NUP107: variants seen among roughly 807,000 people sequenced by gnomAD.
NUP107 encodes nuclear pore complex protein Nup107.
NUP107 carries 101 observed loss-of-function variants against 141.0 expected under a neutral mutation model. The ratio of observed to expected loss-of-function variants is 0.72; its 90% CI spans 0.61 to 0.84. The LOEUF (loss-of-function observed/expected upper bound fraction) is 0.84, where lower values mean the gene tolerates loss of function less well. Ranked by LOEUF, NUP107 falls within the 40% of genes least tolerant of loss-of-function variation. The pLI, the probability that NUP107 is intolerant of heterozygous loss-of-function variation, is 0.00. For missense variants in NUP107, 941 were observed against 1,102.7 expected (o/e 0.85, Z 2.08); for synonymous variants, 319 against 363.9 (o/e 0.88, Z 1.41).
Position 68,686,985 on chromosome 12 carries a change from T to G in NUP107, c.-81T>G. 4 of 1,578,372 alleles carry G rather than the reference T, an allele frequency of 2.5e-6. No homozygotes were observed. In the East Asian group the frequency reaches 9.0e-5, roughly 35 times the overall value. ...ACAGACTGCTTCCGGGTCGAAGGGC[T>G]TGCTTCCGGAGAGCGGGAAGGCTAA... On this transcript the variant is annotated 5_prime_UTR_variant, in exon 1 of 28. Transcript: ENST00000229179.
chr12:68,696,748 C>G, intron 5 of NUP107, 71 bp from the exon 6 acceptor site: 1 of 813,926 alleles, frequency 1.2e-6, no homozygotes, highest in South Asian at 1.8e-5. Flanking sequence ...CATTTTCAAA[C>G]AAACGGAATT....
At chr12:68,706,220 A>G (rs1428989046) in intron 8 of NUP107, 18 of 767,584 alleles carry the variant, frequency 2.3e-5, no homozygotes, top group Middle Eastern at 3.3e-4. Context: ...ATTTGTCCTC[A>G]TCAAGAAGGA....
At chr12:68,691,873 T>A in intron 4 of NUP107, 95 bp from the exon 5 acceptor site, 4 of 1,010,614 alleles carry the variant, frequency 4.0e-6, no homozygotes, top group Non-Finnish European at 5.5e-6. Context: ...TACATACATA[T>A]AATTTTTAGA....
chr12:68,710,198 C>T (rs368668218), intron 10 of NUP107, 105 bp downstream of exon 10: 1 of 609,138 alleles, frequency 1.6e-6, no homozygotes, highest in Admixed American at 3.0e-5. Flanking sequence ...CTACTTTGTT[C>T]ACACTACTTT....
chr12:68,725,545 A>G (rs191633547), intron 17 of NUP107, among the ~76,000 whole-genome samples, 182 bp from the exon 18 acceptor site: 78 of 152,312 alleles, frequency 5.1e-4, no homozygotes, highest in African/African-American at 1.8e-3. Context: ...AGCTGTGAGT[A>G]TATTCCAAAG....
At chr12:68,727,607 C>T (rs1178914463) in intron 20 of NUP107, among the ~76,000 whole-genome samples, 2 of 152,104 alleles carry the variant, frequency 1.3e-5, no homozygotes, top group Non-Finnish European at 2.9e-5. Context: ...TTTGACTCCC[C>T]AAAAACCTAA....
At chr12:68,708,850 C>CCT (rs1876715536) in intron 8 of NUP107, among the ~76,000 whole-genome samples, 1 of 152,160 alleles carries the variant, frequency 6.6e-6, no homozygotes, top group Non-Finnish European at 1.5e-5. Flanking sequence ...AACTCCTGAC[C>CCT]TCAAGTGATC....
In NUP107 at chr12:68,744,382, TTTTA is replaced by T. The variant is rs1402665171; in HGVS notation, c.*1936_*1939del. ...GCCCTCAAATGGACTTGTTTTTAATTTTTATTTATTTATTTATTTTTGAGACATG... is the reference window on the plus strand; with the variant it reads ...GCCCTCAAATGGACTTGTTTTTAATTTTTATTTATTTATTTTTGAGACATG... On this transcript the variant is annotated 3_prime_UTR_variant, in exon 28 of 28. Transcript: ENST00000229179. 1.3e-5 allele frequency: 2 copies of T among 152,052 alleles called. No individual in the cohort carries two copies. The highest frequency in any genetic ancestry group is 2.4e-5 in the African/African-American group (1 of 41,420). 9.4% of individuals were successfully genotyped at this position (152,052 alleles called of 1,614,324 possible). A position where few individuals can be genotyped will look rare whatever the true frequency, so the allele number is the denominator to read the frequency against.
At chr12:68,721,736 A>G (rs1251566679) in intron 15 of NUP107, 105 bp from the exon 16 acceptor site, 3 of 1,130,942 alleles carry the variant, frequency 2.7e-6, no homozygotes, top group Non-Finnish European at 3.8e-6. Flanking sequence ...CGTGTTTTAT[A>G]TCATTATAAA....
intron 2 of NUP107, among the ~76,000 whole-genome samples, chr12:68,689,330 G>T (rs1875663849): frequency 6.6e-6 from 1 of 152,180 alleles, no homozygotes; most frequent in African/African-American, 2.4e-5. Context: ...ATTTAGTTCA[G>T]TGTGTAGTTA....
chr12:68,687,623 T>A, intron 1 of NUP107: 2 of 985,848 alleles, frequency 2.0e-6, no homozygotes, highest in African/African-American at 1.7e-5. Flanking sequence ...AGTCTCCTTG[T>A]CACTGTAACT....
intron 20 of NUP107, among the ~76,000 whole-genome samples, chr12:68,728,657 C>T (rs1296415140): frequency 1.3e-5 from 2 of 150,828 alleles, no homozygotes; most frequent in African/African-American, 4.9e-5. Context: ...TGATCCACCC[C>T]CCTCAGTCTC....
chr12:68,702,931 C>T (rs1876404761), intron 8 of NUP107, 147 bp downstream of exon 8: 1 of 433,464 alleles, frequency 2.3e-6, no homozygotes, highest in Non-Finnish European at 4.0e-6. Flanking sequence ...GCAACCTCTG[C>T]CTCCCGGGTT....
At chr12:68,701,405 G>A (rs1046044523) in intron 7 of NUP107, among the ~76,000 whole-genome samples, 1 of 152,186 alleles carries the variant, frequency 6.6e-6, no homozygotes, top group Non-Finnish European at 1.5e-5. Context: ...TTGTGGGCTG[G>A]GCACAGTGGC....
intron 18 of NUP107, 59 bp downstream of exon 18, chr12:68,725,855 G>A: frequency 1.1e-5 from 3 of 285,590 alleles, no homozygotes; most frequent in Non-Finnish European, 1.1e-5. Context: ...TTTTTTTTTT[G>A]AGACAAAGTC....
At chr12:68,728,311 GCCAGA>G (rs1877654327) in intron 20 of NUP107, among the ~76,000 whole-genome samples, 1 of 150,314 alleles carries the variant, frequency 6.7e-6, no homozygotes, top group Admixed American at 6.6e-5. Flanking sequence ...AAACAATCAG[GCCAGA>G]CGTGGTGGCT....
chr12:68,710,646 C>T (rs1450572118), intron 10 of NUP107, among the ~76,000 whole-genome samples: 4 of 85,422 alleles, frequency 4.7e-5, no homozygotes, highest in Non-Finnish European at 7.8e-5. Flanking sequence ...CAGAGCAGGC[C>T]GTCTTAAAAA....
chr12:68,710,524 G>T (rs1367637023), intron 10 of NUP107, among the ~76,000 whole-genome samples: 1 of 151,656 alleles, frequency 6.6e-6, no homozygotes, highest in Admixed American at 6.6e-5. Context: ...GTTTGGTGAC[G>T]CACACCTGTA....
At chr12:68,706,930 C>T (rs1876611727) in intron 8 of NUP107, 3 of 699,172 alleles carry the variant, frequency 4.3e-6, no homozygotes, top group East Asian at 2.6e-5. Flanking sequence ...CTGGCCTCAG[C>T]TACAGCCTGG....
Sources: allele counts gnomAD v4.1 joint callset (sites outside exome capture counted in the v4.1 genomes callset), GRCh38; gene constraint gnomAD v4.1.1; transcripts MANE v1.5; gene names NCBI Gene and HGNC (gene_info 2026-07-23, HGNC 2026-07-21).